Variants in PLEKHG5 observed in about 807,000 individuals in gnomAD.
PLEKHG5 encodes pleckstrin homology domain-containing family G member 5.
Under a neutral mutation model 103.8 loss-of-function variants are expected in PLEKHG5, and 52 were observed. That is an observed-to-expected ratio of 0.50 (90% confidence interval 0.40 to 0.63). PLEKHG5 has a LOEUF of 0.63. Ranked by LOEUF, PLEKHG5 falls within the 30% of genes least tolerant of loss-of-function variation. PLEKHG5 has a pLI of 0.00. For missense variants in PLEKHG5, 1,205 were observed against 1,347.6 expected (o/e 0.89, Z 1.66); for synonymous variants, 592 against 575.5 (o/e 1.03, Z -0.41).
At position 6,468,400 on chromosome 1, in the gene PLEKHG5, G is replaced by A; in HGVS notation, c.2436C>T (p.Ser812=). The change falls in exon 20 of 21, where the codon TCC becomes TCT. Residue 812 remains serine (S), a synonymous_variant. Transcript: ENST00000377728. ...TGCCGTAGGCAGAGTCCATGGAGCA[G>A]GAGCGGCCGTCCACCGGACCCAGGG... is the stretch of plus-strand genomic sequence containing the variant. ...LLPLGPVDGR[S]CSMDSAYGTL... 1 of 1,611,356 alleles carries A rather than the reference G, an allele frequency of 6.2e-7. No individual in the cohort carries two copies. Among genetic ancestry groups the A allele is most frequent in the Non-Finnish European group, 8.5e-7 (1 of 1,179,150 alleles).
intron 19 of PLEKHG5, 71 bp downstream of exon 19, chr1:6,468,971 G>T: frequency 7.9e-7 from 1 of 1,260,770 alleles, no homozygotes; most frequent in Non-Finnish European, 1.2e-6. Flanking sequence ...GAGCGTGGCT[G>T]GGCCTTCAGG....
chr1:6,474,438 G>A lies in PLEKHG5; in HGVS notation c.439+13C>T. ...AGTCCCAGCGGCCCCATTTGGCCCA[G>A]GCTGCTTCTCACCTTTGACACGAAG... On this transcript the variant is annotated intron_variant, in intron 6 of 20. Transcript: ENST00000377728. 6.2e-7 allele frequency: 1 copy of A among 1,613,640 alleles called. No homozygotes were observed. The highest frequency in any genetic ancestry group is 8.5e-7 in the Non-Finnish European group (1 of 1,179,942).
upstream of PLEKHG5, among the ~76,000 whole-genome samples, chr1:6,493,336 G>T (rs1367491362): frequency 2.0e-5 from 3 of 152,154 alleles, no homozygotes; most frequent in Admixed American, 1.3e-4. Flanking sequence ...ACTGGGCCTG[G>T]CACCGACAGA....
intron 1 of PLEKHG5, among the ~76,000 whole-genome samples, chr1:6,508,409 C>T (rs1249130905): frequency 6.6e-6 from 1 of 152,220 alleles, no homozygotes; most frequent in East Asian, 1.9e-4. Flanking sequence ...GTCTCCCACG[C>T]TCCTTCCATA....
chr1:6,497,192 C>T (rs560418077), upstream of PLEKHG5: 5 of 861,556 alleles, frequency 5.8e-6, no homozygotes, highest in African/African-American at 3.3e-5. This position sits in a 1 kb window ranked among gnomAD's most constrained non-coding sequence, Gnocchi z 6.1. Flanking sequence ...AGTTTGGGTA[C>T]GAGCGGCCCG....
At position 6,477,401 on chromosome 1, in the gene PLEKHG5, G is replaced by A. The variant is rs556358274; in HGVS notation, c.43+128C>T. Reference sequence around the variant, plus strand: ...AAAAACATTTGGAACAAAAGGAACCGTAACATACTCGGGTTTCATTATTTA... The same window carrying A: ...AAAAACATTTGGAACAAAAGGAACCATAACATACTCGGGTTTCATTATTTA... On this transcript the variant is annotated intron_variant, in intron 2 of 20. Transcript: ENST00000377728. The A allele has an allele frequency of 1.6e-4, 161 of 992,726 alleles. 1 individual carries two copies. In the African/African-American group the frequency reaches 2.2e-3, roughly 14 times the overall value. 61.5% of individuals were successfully genotyped at this position (992,726 alleles called of 1,614,324 possible).
Position 6,469,116 on chromosome 1 carries a change from C to G in PLEKHG5, c.2175G>C (p.Glu725Asp). The change falls in exon 19 of 21, where the codon GAG becomes GAC. Residue 725 changes from glutamate to aspartate, a missense_variant. Physicochemically the swap from Glu to Asp is conservative, Grantham distance 45. Transcript: ENST00000377728. ...EEEEEEEEEG[E>D]DSGTSAASSP... ...AGCTGGCAGCTGAAGTGCCACTGTC[C>G]TCGCCTTCCTCCTCCTCCTCCTCCT... 6.2e-7 allele frequency: 1 copy of G among 1,611,860 alleles called. No homozygotes were observed. Among genetic ancestry groups the G allele is most frequent in the African/African-American group, 1.4e-5 (1 of 73,736 alleles).
chr1:6,492,035 T>A (rs1206062959), upstream of PLEKHG5, among the ~76,000 whole-genome samples: 3 of 152,158 alleles, frequency 2.0e-5, no homozygotes, highest in Non-Finnish European at 4.4e-5. Context: ...CAGAGAGGCC[T>A]GGTTTGAGTC....
At chr1:6,507,281 C>T (rs1347780321) in intron 1 of PLEKHG5, among the ~76,000 whole-genome samples, 1 of 152,094 alleles carries the variant, frequency 6.6e-6, no homozygotes, top group African/African-American at 2.4e-5. Context: ...GCTCAGCTTA[C>T]AAGGAATAGA....
chr1:6,511,616 C>T (rs1387993499), intron 1 of PLEKHG5, among the ~76,000 whole-genome samples: 2 of 152,178 alleles, frequency 1.3e-5, no homozygotes, highest in South Asian at 2.1e-4. Flanking sequence ...ATCCTCAGGG[C>T]CCCCAGGCGC....
chr1:6,498,591 G>A (rs1569982173), upstream of PLEKHG5, among the ~76,000 whole-genome samples: 1 of 152,216 alleles, frequency 6.6e-6, no homozygotes, highest in Non-Finnish European at 1.5e-5. Flanking sequence ...TGGTGGGCAG[G>A]GTAGCCCTTT....
At chr1:6,475,908 C>G in intron 3 of PLEKHG5, 23 bp downstream of exon 3, 2 of 1,584,616 alleles carry the variant, frequency 1.3e-6, no homozygotes, top group Non-Finnish European at 1.7e-6. Context: ...AGGTATCTCT[C>G]TGCCCACTCA....
intron 1 of PLEKHG5, chr1:6,519,309 C>A: frequency 1.3e-6 from 1 of 751,204 alleles, no homozygotes; most frequent in South Asian, 1.4e-5. Context: ...ATCCAGCCTG[C>A]AAGTGGCTCT....
chr1:6,495,683 G>T (rs1486495137), upstream of PLEKHG5, among the ~76,000 whole-genome samples: 1 of 152,188 alleles, frequency 6.6e-6, no homozygotes, highest in African/African-American at 2.4e-5. Context: ...TTGCGCAGTT[G>T]TCACTATTGT....
Position 6,471,782 on chromosome 1 carries a change from C to A in PLEKHG5, c.1107G>T (p.Leu369=), listed in dbSNP as rs1485577128. ...CCTCACACAGCAGCCCTGACTCTTG[C>A]AGGTTCAGGAGGCAGCACAGGAACA... ...INLFLCCLLN[L]QESGLLCEVE... Residue 369 remains leucine (L), a synonymous_variant, in exon 11 of 21, where the codon CTG becomes CTT. Transcript: ENST00000377728. The A allele has an allele frequency of 6.2e-7, 1 of 1,610,148 alleles. No individual in the cohort carries two copies. The highest frequency in any genetic ancestry group is 1.3e-5 in the African/African-American group (1 of 75,004).
upstream of PLEKHG5, among the ~76,000 whole-genome samples, chr1:6,500,847 C>A (rs1043069292): frequency 6.6e-6 from 1 of 152,156 alleles, no homozygotes; most frequent in African/African-American, 2.4e-5. Context: ...CGCAGGGAGA[C>A]CAGGGCCCTT....
At chr1:6,496,789 G>T, upstream of PLEKHG5, 2 of 545,610 alleles carry the variant, frequency 3.7e-6, no homozygotes, top group Non-Finnish European at 3.2e-6. Flanking sequence ...CAGATTCCAC[G>T]GGGAGAAAAC....
At chr1:6,485,594 G>T in intron 1 of PLEKHG5, 2 of 740,172 alleles carry the variant, frequency 2.7e-6, no homozygotes, top group Non-Finnish European at 3.6e-6. Context: ...CCAGGAAGGC[G>T]GACACCTCCC....
At chr1:6,497,119 C>T, upstream of PLEKHG5, 2 of 1,332,984 alleles carry the variant, frequency 1.5e-6, no homozygotes, top group South Asian at 1.3e-5. The surrounding 1 kb of genome is among the most constrained non-coding windows in gnomAD (Gnocchi z 6.1). Flanking sequence ...GCGCAACCAG[C>T]GAGAGGCGGG....
Sources: gnomAD v4.1 joint callset for allele counts (sites outside exome capture counted in the v4.1 genomes callset) on GRCh38, gnomAD v4.1.1 for gene constraint, Gnocchi (gnomAD v3.1) non-coding constraint, MANE v1.5 for transcripts, NCBI Gene and HGNC (gene_info 2026-07-23, HGNC 2026-07-21) for gene names.